Variants in NCOA3 observed in about 807,000 individuals in gnomAD.
NCOA3 encodes the protein CBP-interacting protein.
Under a neutral mutation model 158.8 loss-of-function variants are expected in NCOA3, and 51 were observed. The observed-to-expected ratio is 0.32, with a 90% CI of 0.26 to 0.41. The LOEUF (loss-of-function observed/expected upper bound fraction) is 0.41, where lower values mean the gene tolerates loss of function less well. Ranked by LOEUF, NCOA3 falls within the 10% of genes least tolerant of loss-of-function variation. The pLI is 1.00. For missense variants in NCOA3, 1,510 were observed against 1,746.6 expected, an observed-to-expected ratio of 0.86 and a Z score of 2.41; for synonymous variants, 537 against 592.4, an observed-to-expected ratio of 0.91 and a Z score of 1.36.
rs1468132418 is a variant in NCOA3, at chr20:47,562,513, GT to G, written c.-98-20667del. 2.0e-5 allele frequency among the ~76,000 whole-genome samples: 3 copies of G among 150,916 alleles called. No homozygotes were observed. In the East Asian group the frequency reaches 5.8e-4, roughly 29 times the overall value. ...ATGTGGATCATCTTTTCATATACTTGTTTGTCATCTGTCCATCTGTCTTGAT... is the reference window on the plus strand; with the variant it reads ...ATGTGGATCATCTTTTCATATACTTGTTGTCATCTGTCCATCTGTCTTGAT... On this transcript the variant is annotated intron_variant, in intron 1 of 22. Transcript: ENST00000371998.
At position 47,635,938 on chromosome 20, in the gene NCOA3, T is replaced by C. The variant is rs1320338222; in HGVS notation, c.1552T>C (p.Phe518Leu). 3 of 1,614,126 alleles carry C rather than the reference T, an allele frequency of 1.9e-6. No individual in the cohort carries two copies. The highest frequency in any genetic ancestry group is 2.5e-6 in the Non-Finnish European group (3 of 1,179,982). ...TTCTGGCAATACTGGGAACCACAGC[T>C]TTTCCAGCAGCTCTCTCAGTGCCCT... is the stretch of plus-strand genomic sequence containing the variant. ...ASSGNTGNHS[F>L]SSSSLSALQA... is the part of the protein sequence containing the mutation. Residue 518 changes from phenylalanine to leucine, a missense_variant, in exon 12 of 23, where the codon TTT becomes CTT. Coordinates refer to ENST00000371998, the MANE Select transcript of NCOA3 (RefSeq NM_181659.3).
At chr20:47,515,973 A>G (rs1341951098) in intron 1 of NCOA3, among the ~76,000 whole-genome samples, 4 of 152,226 alleles carry the variant, frequency 2.6e-5, no homozygotes, top group Non-Finnish European at 5.9e-5. Flanking sequence ...ACTATGTGAC[A>G]TCTTAGAAAA....
intron 1 of NCOA3, among the ~76,000 whole-genome samples, chr20:47,553,268 A>G (rs1353538108): frequency 1.3e-5 from 2 of 152,004 alleles, no homozygotes; most frequent in Non-Finnish European, 1.5e-5. Context: ...TTAGAATCTA[A>G]CTAGTTCCTC....
At chr20:47,558,820 C>CTTT (rs56997127) in intron 1 of NCOA3, among the ~76,000 whole-genome samples, 23 of 114,494 alleles carry the variant, frequency 2.0e-4, no homozygotes, top group East Asian at 2.6e-4. Flanking sequence ...ACTTTTTTCA[C>CTTT]TTTTTTTTTT....
intron 8 of NCOA3, chr20:47,630,299 G>C (rs1039057539): frequency 7.9e-5 from 12 of 151,986 alleles, no homozygotes; most frequent in African/African-American, 2.7e-4. Context: ...GTTTATTTCT[G>C]TCAGCTTATT....
intron 2 of NCOA3, among the ~76,000 whole-genome samples, chr20:47,609,760 C>T (rs2086014694): frequency 1.3e-5 from 2 of 151,676 alleles, no homozygotes; most frequent in Admixed American, 6.6e-5. Context: ...GATCATGAAA[C>T]TAACATTTGA....
chr20:47,602,275 A>T (rs763503080), intron 2 of NCOA3, among the ~76,000 whole-genome samples: 4 of 152,244 alleles, frequency 2.6e-5, no homozygotes, highest in African/African-American at 4.8e-5. Context: ...AATGGTAGAA[A>T]TTAACTTTTT....
intron 1 of NCOA3, among the ~76,000 whole-genome samples, chr20:47,549,470 C>T (rs1250366801): frequency 6.8e-6 from 1 of 148,120 alleles, no homozygotes; most frequent in African/African-American, 2.5e-5. Flanking sequence ...TGAGACATGG[C>T]AATCACTTGA....
intron 8 of NCOA3, among the ~76,000 whole-genome samples, chr20:47,632,093 G>A (rs1320757537): frequency 6.6e-6 from 1 of 152,174 alleles, no homozygotes; most frequent in African/African-American, 2.4e-5. Context: ...GCAAGTCCTG[G>A]CCTTCTGTAC....
chr20:47,562,817 C>G (rs191319699), intron 1 of NCOA3, among the ~76,000 whole-genome samples: 24 of 152,180 alleles, frequency 1.6e-4, no homozygotes, highest in Non-Finnish European at 2.2e-4. Flanking sequence ...TTTTCTTCTC[C>G]TATATATTCT....
At chr20:47,560,397 C>G (rs1211707649) in intron 1 of NCOA3, among the ~76,000 whole-genome samples, 1 of 152,096 alleles carries the variant, frequency 6.6e-6, no homozygotes, top group East Asian at 1.9e-4. Flanking sequence ...GCTTTCAAGT[C>G]AATTGGATAA....
At chr20:47,570,396 C>T (rs755492670) in intron 1 of NCOA3, among the ~76,000 whole-genome samples, 6 of 152,284 alleles carry the variant, frequency 3.9e-5, no homozygotes, top group South Asian at 2.1e-4. Context: ...AGCTGTGGTA[C>T]GCCACTGCAT....
intron 1 of NCOA3, among the ~76,000 whole-genome samples, chr20:47,554,668 T>TC (rs1237614884): frequency 6.6e-6 from 1 of 151,926 alleles, no homozygotes; most frequent in Non-Finnish European, 1.5e-5. Flanking sequence ...AAAGACCTCT[T>TC]CAAGGAGAGC....
chr20:47,568,232 G>T (rs1468173942), intron 1 of NCOA3, among the ~76,000 whole-genome samples: 2 of 152,176 alleles, frequency 1.3e-5, no homozygotes, highest in East Asian at 3.9e-4. Flanking sequence ...AAACCAGGGA[G>T]GAATGATGGC....
intron 1 of NCOA3, among the ~76,000 whole-genome samples, chr20:47,539,262 C>T (rs2084684691): frequency 1.3e-5 from 2 of 152,068 alleles, no homozygotes; most frequent in Admixed American, 6.6e-5. Flanking sequence ...GTAGCTTGAT[C>T]CCAAGAGTTT....
chr20:47,509,543 G>A (rs965786020), intron 1 of NCOA3, among the ~76,000 whole-genome samples: 6 of 152,184 alleles, frequency 3.9e-5, no homozygotes, highest in African/African-American at 9.7e-5. Flanking sequence ...AATTGCTGTC[G>A]TTGAAATGGA....
Position 47,639,827 on chromosome 20 carries a change from G to C in NCOA3, c.2953+5G>C. On this transcript the variant is annotated splice_donor_5th_base_variant and intron_variant, in intron 15 of 22. Coordinates refer to ENST00000371998, the MANE Select transcript of NCOA3 (RefSeq NM_181659.3). The stretch of plus-strand genomic sequence containing the variant: ...AGCAGCAGATGCTTCAAATGAGTAA[G>C]TGTCCACCCTCCCCTCTTCATGAAA... 4 of 1,613,606 alleles carry C rather than the reference G, an allele frequency of 2.5e-6. No individual in the cohort carries two copies. Among genetic ancestry groups the C allele is most frequent in the Non-Finnish European group, 3.4e-6 (4 of 1,179,498 alleles).
chr20:47,548,172 GTCA>G (rs1053077602), intron 1 of NCOA3, among the ~76,000 whole-genome samples: 24 of 151,906 alleles, frequency 1.6e-4, no homozygotes, highest in African/African-American at 5.3e-4. Context: ...GTTACCACCT[GTCA>G]TATATATAAG....
intron 1 of NCOA3, among the ~76,000 whole-genome samples, chr20:47,542,029 T>TTTTTTTTTTTTG (rs1315473982): frequency 1.3e-5 from 1 of 76,690 alleles, no homozygotes. Context: ...TTTTTTTTTT[T>TTTTTTTTTTTTG]TGTTGTTGTT....
Sources: gnomAD v4.1 joint callset for allele counts (sites outside exome capture counted in the v4.1 genomes callset) on GRCh38, gnomAD v4.1.1 for gene constraint, MANE v1.5 for transcripts, NCBI Gene and HGNC (gene_info 2026-07-23, HGNC 2026-07-21) for gene names.